PKIG: variants seen among roughly 807,000 people sequenced by gnomAD.
PKIG encodes the protein cAMP-dependent protein kinase inhibitor gamma, also known as protein kinase (cAMP-dependent, catalytic) inhibitor gamma.
In PKIG, 1 loss-of-function variant was observed where a neutral mutation model predicts 6.8. The observed-to-expected ratio is 0.15, with a 90% CI of 0.05 to 0.69. The LOEUF (loss-of-function observed/expected upper bound fraction) is 0.69. Ranked by LOEUF, PKIG falls within the 30% of genes least tolerant of loss-of-function variation. The probability of loss-of-function intolerance (pLI) is 0.82; values close to 1 mark genes in which losing one functional copy is unlikely to be tolerated. For missense variants in PKIG, 77 were observed against 104.0 expected (o/e 0.74, Z 1.13); for synonymous variants, 39 against 43.0 (o/e 0.91, Z 0.36).
chr20:44,548,854 CCACACACACACA>C (rs11469110), intron 1 of PKIG, among the ~76,000 whole-genome samples: 110 of 135,656 alleles, frequency 8.1e-4, no homozygotes, highest in Non-Finnish European at 1.1e-3. Context: ...ACTCCTCCCA[CCACACACACACA>C]CACACACACA....
At chr20:44,618,223 CT>C in intron 3 of PKIG, 61 bp from the exon 4 acceptor site, 3 of 1,104,194 alleles carry the variant, frequency 2.7e-6, no homozygotes, top group Non-Finnish European at 4.2e-6. Context: ...CCTTTCACAC[CT>C]CCTTCTGTGC....
intron 1 of PKIG, among the ~76,000 whole-genome samples, chr20:44,571,295 G>A (rs751583588): frequency 1.3e-5 from 2 of 151,958 alleles, no homozygotes; most frequent in African/African-American, 2.4e-5. Context: ...TGCATTCTAT[G>A]TATAGACATG....
Position 44,548,854 on chromosome 20 carries a change from CCACACACACACACACA to C in PKIG, c.-241+16911_-241+16926del, listed in dbSNP as rs11469110. Among the ~76,000 whole-genome samples, 51 of 135,658 alleles carry C rather than the reference CCACACACACACACACA, an allele frequency of 3.8e-4. No homozygotes were observed. The South Asian group carries it at 6.9e-3, about 18-fold the overall frequency. 89.0% of individuals were successfully genotyped at this position (135,658 alleles called of 152,430 possible). On this transcript the variant is annotated intron_variant, in intron 1 of 4. Transcript: ENST00000372887. ...GACATTCATCCAGCCACTCCTCCCA[CCACACACACACACACA>C]CACACACACACACACACACACACAC...
chr20:44,584,140 T>C (rs909912111), intron 1 of PKIG, among the ~76,000 whole-genome samples: 8 of 152,156 alleles, frequency 5.3e-5, no homozygotes, highest in African/African-American at 1.9e-4. Flanking sequence ...CTAACCCCAT[T>C]GACTGAGGAC....
At chr20:44,548,040 G>T (rs762627091) in intron 1 of PKIG, among the ~76,000 whole-genome samples, 1 of 152,084 alleles carries the variant, frequency 6.6e-6, no homozygotes, top group Non-Finnish European at 1.5e-5. Flanking sequence ...TTAGCCGGGT[G>T]TGGTGTTGTG....
chr20:44,552,350 G>A (rs910898372), intron 1 of PKIG, among the ~76,000 whole-genome samples: 2 of 152,152 alleles, frequency 1.3e-5, no homozygotes, highest in Non-Finnish European at 2.9e-5. Context: ...ATATGTTTCA[G>A]TAGTAATTTC....
intron 2 of PKIG, among the ~76,000 whole-genome samples, chr20:44,613,093 C>A (rs2065233370): frequency 6.6e-6 from 1 of 152,220 alleles, no homozygotes; most frequent in Admixed American, 6.5e-5. Context: ...TGGCACTCTT[C>A]TCTCCTTTCT....
upstream of PKIG, among the ~76,000 whole-genome samples, chr20:44,580,349 T>G (rs2064937246): frequency 6.6e-6 from 1 of 151,568 alleles, no homozygotes; most frequent in Non-Finnish European, 1.5e-5. Context: ...TGTTTTTTGT[T>G]TTTTGTTTTT....
At chr20:44,605,229 C>T (rs1216168022) in intron 2 of PKIG, among the ~76,000 whole-genome samples, 1 of 151,654 alleles carries the variant, frequency 6.6e-6, no homozygotes, top group South Asian at 2.1e-4. Context: ...CACGGTGAAA[C>T]CCCGTCTCTA....
chr20:44,561,545 G>A (rs926789051), intron 1 of PKIG, among the ~76,000 whole-genome samples: 1 of 152,172 alleles, frequency 6.6e-6, no homozygotes, highest in East Asian at 1.9e-4. Context: ...TTTAAAAAAT[G>A]TAAAATATAG....
chr20:44,608,234 A>G (rs1253763414), intron 2 of PKIG, among the ~76,000 whole-genome samples: 1 of 152,244 alleles, frequency 6.6e-6, no homozygotes, highest in African/African-American at 2.4e-5. Context: ...TGTGTTCACT[A>G]TAAAAAGGAA....
intron 1 of PKIG, among the ~76,000 whole-genome samples, chr20:44,567,734 C>A (rs1262566951): frequency 6.6e-6 from 1 of 152,210 alleles, no homozygotes; most frequent in Non-Finnish European, 1.5e-5. Flanking sequence ...GGGCCAGGCC[C>A]AGGATTAAGA....
intron 1 of PKIG, among the ~76,000 whole-genome samples, chr20:44,547,379 T>G (rs980707487): frequency 6.6e-6 from 1 of 152,220 alleles, no homozygotes; most frequent in Non-Finnish European, 1.5e-5. Flanking sequence ...AATTTTGATT[T>G]AGGATAAGGG....
chr20:44,555,155 G>T (rs1041156194), intron 1 of PKIG, among the ~76,000 whole-genome samples: 1 of 152,136 alleles, frequency 6.6e-6, no homozygotes, highest in African/African-American at 2.4e-5. Flanking sequence ...AAAAAGAAAA[G>T]ATACTATCGA....
chr20:44,610,876 T>A (rs549507922), intron 2 of PKIG, among the ~76,000 whole-genome samples: 56 of 152,242 alleles, frequency 3.7e-4, no homozygotes, highest in African/African-American at 1.2e-3. Flanking sequence ...CTTTATTATT[T>A]TTTTTTTACT....
rs374693418 is a variant in PKIG at position 44,614,702 on chromosome 20, G to C, written c.146G>C (p.Gly49Ala). 45 of 1,613,544 alleles carry C rather than the reference G, an allele frequency of 2.8e-5. No homozygotes were observed. The Middle Eastern group carries it at 8.2e-4, about 29-fold the overall frequency. ...AGDMGELALE[G>A]AEGQVEGSAP... ...GACATGGGCGAGCTGGCACTCGAGG[G>C]GGCAGGTTAGAGCCAGCAGGTCCTT... Residue 49 changes from glycine to alanine, a missense_variant, in exon 3 of 4, where the codon GGG (glycine) becomes GCG (alanine). Coordinates refer to ENST00000372886, the MANE Select transcript of PKIG (RefSeq NM_001281445.2). The surrounding 1 kb of genome is among the most constrained non-coding windows in gnomAD (Gnocchi z 4.6).
chr20:44,597,885 G>A (rs774351895), intron 2 of PKIG, among the ~76,000 whole-genome samples: 7 of 152,352 alleles, frequency 4.6e-5, no homozygotes, highest in Admixed American at 6.5e-5. Flanking sequence ...CCCAGAGCTA[G>A]AAGTAACATT....
intron 1 of PKIG, among the ~76,000 whole-genome samples, chr20:44,537,144 G>A (rs770687586): frequency 4.6e-5 from 7 of 151,580 alleles, no homozygotes; most frequent in Non-Finnish European, 8.8e-5. Context: ...CACTCTTATC[G>A]CCCAGGCTGG....
In PKIG at chr20:44,571,507, G is replaced by C. The variant is rs111707696; in HGVS notation, c.-240-11078G>C. ...ACCATCATCCATTATACTATAAACCGTTGTCTTCACTTTACTGGCCTTTTT... is the reference window on the plus strand; with the variant it reads ...ACCATCATCCATTATACTATAAACCCTTGTCTTCACTTTACTGGCCTTTTT... On this transcript the variant is annotated intron_variant, in intron 1 of 4. Coordinates refer to the PKIG transcript ENST00000372887. Among the ~76,000 whole-genome samples the C allele has an allele frequency of 5.9e-3, 902 of 152,114 alleles. 7 individuals are homozygous for C. The highest frequency in any genetic ancestry group is 0.021 in the African/African-American group (864 of 41,484).
Sources: gnomAD v4.1 joint callset for allele counts (sites outside exome capture counted in the v4.1 genomes callset) on GRCh38, gnomAD v4.1.1 for gene constraint, Gnocchi (gnomAD v3.1) non-coding constraint, MANE v1.5 for transcripts, NCBI Gene and HGNC (gene_info 2026-07-23, HGNC 2026-07-21) for gene names.